The following RERE variants were observed in gnomAD, a reference collection of about 807,000 sequenced individuals.
RERE encodes arginine-glutamic acid dipeptide repeats protein.
Under a neutral mutation model 146.1 loss-of-function variants are expected in RERE, and 40 were observed. That is an observed-to-expected ratio of 0.27 (90% CI 0.21 to 0.36). The LOEUF (loss-of-function observed/expected upper bound fraction) is 0.36. Ranked by LOEUF, RERE falls within the 10% of genes least tolerant of loss-of-function variation. RERE has a pLI of 1.00. For synonymous variants in RERE, 1,003 were observed against 866.0 expected (o/e 1.16, Z -2.78); for missense variants, 1,933 against 2,138.7 (o/e 0.90, Z 1.90).
intron 1 of RERE, among the ~76,000 whole-genome samples, chr1:8,760,229 G>A (rs1411630993): frequency 6.6e-6 from 1 of 152,176 alleles, no homozygotes; most frequent in Non-Finnish European, 1.5e-5. Flanking sequence ...GTTTCATCAT[G>A]TTGGCCAGAC....
chr1:8,778,447 T>A (rs1641107718), intron 1 of RERE, among the ~76,000 whole-genome samples: 1 of 152,230 alleles, frequency 6.6e-6, no homozygotes. Context: ...AGCACTTGTA[T>A]GTGAGACAGC....
chr1:8,755,732 T>G (rs780982640), intron 1 of RERE, among the ~76,000 whole-genome samples: 6 of 152,100 alleles, frequency 3.9e-5, no homozygotes, highest in Non-Finnish European at 8.8e-5. Context: ...CAAACTGTAT[T>G]GTCAGAATCT....
chr1:8,570,724 C>T (rs1415285677), intron 4 of RERE, among the ~76,000 whole-genome samples: 1 of 152,174 alleles, frequency 6.6e-6, no homozygotes, highest in Non-Finnish European at 1.5e-5. Flanking sequence ...AATGGCTGGT[C>T]TCTGAGATGA....
intron 1 of RERE, among the ~76,000 whole-genome samples, chr1:8,772,779 A>T (rs1201656737): frequency 6.6e-6 from 1 of 151,854 alleles, no homozygotes; most frequent in Non-Finnish European, 1.5e-5. Context: ...ACTCGGTCTC[A>T]AAAAAAGAAA....
At position 8,398,314 on chromosome 1, in the gene RERE, ACT is replaced by A. The variant is rs545415345; in HGVS notation, c.1284+24411_1284+24412del. On this transcript the variant is annotated intron_variant, in intron 12 of 22. Coordinates refer to ENST00000400908, the MANE Select transcript of RERE (RefSeq NM_001042681.2). ...TTGGACCACAGTATAAAAGGTCTTG[ACT>A]CTCAGGCAAGGGGGTTAGTACTGAG... Among the ~76,000 whole-genome samples the A allele has an allele frequency of 5.3e-5, 8 of 152,178 alleles. No individual in the cohort carries two copies. In the East Asian group the frequency reaches 1.4e-3, roughly 26 times the overall value.
At chr1:8,704,205 A>T (rs546024583) in intron 1 of RERE, among the ~76,000 whole-genome samples, 2 of 152,296 alleles carry the variant, frequency 1.3e-5, no homozygotes, top group South Asian at 2.1e-4. Context: ...TCTGGTAAAA[A>T]ATATATATAT....
chr1:8,408,956 G>C (rs1378242296), intron 12 of RERE, among the ~76,000 whole-genome samples: 1 of 152,082 alleles, frequency 6.6e-6, no homozygotes, highest in Non-Finnish European at 1.5e-5. Flanking sequence ...ATGATTTGGG[G>C]GTAGGATGTG....
chr1:8,365,317 T>C (rs1641761138), intron 13 of RERE, among the ~76,000 whole-genome samples: 1 of 152,086 alleles, frequency 6.6e-6, no homozygotes, highest in African/African-American at 2.4e-5. Flanking sequence ...ACACCCCAGT[T>C]TTTTAGGGGT....
chr1:8,371,740 G>T (rs769965923), intron 12 of RERE, among the ~76,000 whole-genome samples: 4 of 152,232 alleles, frequency 2.6e-5, no homozygotes, highest in Non-Finnish European at 4.4e-5. Flanking sequence ...TGGGCAATCT[G>T]GGCTGGAGCA....
chr1:8,710,270 T>G (rs1254198176), intron 1 of RERE, among the ~76,000 whole-genome samples: 1 of 152,236 alleles, frequency 6.6e-6, no homozygotes, highest in African/African-American at 2.4e-5. Flanking sequence ...CTGGGGGGAC[T>G]GTTGCAATCT....
At chr1:8,385,689 T>C (rs1340399063) in intron 12 of RERE, among the ~76,000 whole-genome samples, 2 of 151,342 alleles carry the variant, frequency 1.3e-5, no homozygotes, top group Non-Finnish European at 2.9e-5. Context: ...AGGGAAGCCT[T>C]CTACCAAACA....
intron 12 of RERE, among the ~76,000 whole-genome samples, chr1:8,368,291 G>A (rs1452807319): frequency 2.0e-5 from 3 of 152,112 alleles, no homozygotes; most frequent in African/African-American, 7.2e-5. Context: ...CTAACATGGT[G>A]AAACCCTGTC....
chr1:8,804,209 A>C (rs957446212), intron 1 of RERE, among the ~76,000 whole-genome samples: 7 of 152,204 alleles, frequency 4.6e-5, no homozygotes, highest in Non-Finnish European at 1.0e-4. Context: ...ATATGTACAC[A>C]TGGCAGATTA....
chr1:8,721,053 C>CA (rs539149834), intron 1 of RERE, among the ~76,000 whole-genome samples: 12 of 148,192 alleles, frequency 8.1e-5, no homozygotes, highest in South Asian at 2.1e-4. Context: ...GACTCTATCT[C>CA]AAAAAAAAAA....
At chr1:8,605,470 C>T (rs541671043) in intron 4 of RERE, among the ~76,000 whole-genome samples, 2 of 151,944 alleles carry the variant, frequency 1.3e-5, no homozygotes, top group South Asian at 2.1e-4. Flanking sequence ...AGGACGGGTG[C>T]GGTGGCTCAC....
chr1:8,428,667 G>T (rs140809280), intron 11 of RERE: 1 of 152,104 alleles, frequency 6.6e-6, no homozygotes, highest in Non-Finnish European at 1.5e-5. Context: ...TTTCGCTACA[G>T]TGGAAAGAAC....
At chr1:8,369,652 T>A (rs183198276) in intron 12 of RERE, among the ~76,000 whole-genome samples, 44 of 150,734 alleles carry the variant, frequency 2.9e-4, no homozygotes, top group Admixed American at 2.9e-3. Context: ...AGAACTGTCA[T>A]CCACTGCTGG....
intron 11 of RERE, among the ~76,000 whole-genome samples, chr1:8,431,630 G>A (rs1307147422): frequency 6.6e-6 from 1 of 152,284 alleles, no homozygotes; most frequent in South Asian, 2.1e-4. Context: ...AAAGGTTGGG[G>A]ACCTCTGCTG....
intron 2 of RERE, among the ~76,000 whole-genome samples, chr1:8,630,276 C>G (rs186143472): frequency 6.6e-6 from 1 of 152,212 alleles, no homozygotes; most frequent in East Asian, 1.9e-4. Flanking sequence ...CCTCCCAGTT[C>G]TAGTCTCCCA....
Sources: gnomAD v4.1 joint callset for allele counts (sites outside exome capture counted in the v4.1 genomes callset) on GRCh38, gnomAD v4.1.1 for gene constraint, MANE v1.5 for transcripts, NCBI Gene and HGNC (gene_info 2026-07-23, HGNC 2026-07-21) for gene names.